MCU: variants seen among roughly 807,000 people sequenced by gnomAD.
MCU encodes calcium uniporter protein, mitochondrial.
MCU carries 12 observed loss-of-function variants against 45.2 expected under a neutral mutation model. That is an observed-to-expected ratio of 0.27 (90% CI 0.17 to 0.43). The LOEUF is 0.43. Among genes scored for constraint, MCU ranks in the 20% least tolerant of loss-of-function variants. MCU has a pLI of 1.00. For synonymous variants in MCU, 160 were observed against 165.1 expected (o/e 0.97, Z 0.24); for missense variants, 324 against 436.7 (o/e 0.74, Z 2.30).
At chr10:72,727,441 C>T (rs564967239) in intron 1 of MCU, among the ~76,000 whole-genome samples, 1 of 152,324 alleles carries the variant, frequency 6.6e-6, no homozygotes, top group Non-Finnish European at 1.5e-5. Context: ...TACATTCATT[C>T]CCAGTGCCAG....
In MCU at chr10:72,817,620, A is replaced by G. The variant is rs531131006; in HGVS notation, c.151-16739A>G. Among the ~76,000 whole-genome samples, 369 of 152,146 alleles carry G rather than the reference A, an allele frequency of 2.4e-3. 1 individual carries two copies. Among genetic ancestry groups the G allele is most frequent in the African/African-American group, 8.3e-3 (345 of 41,504 alleles). ...AGTTCAGTTCAACAGTTTTTGTTTT[A>G]TTGTTGTTGTTGTTTTTAAGAGATG... On this transcript the variant is annotated intron_variant, in intron 1 of 7. Coordinates refer to ENST00000373053, the MANE Select transcript of MCU (RefSeq NM_138357.3).
At chr10:72,697,254 A>G (rs977402003) in intron 1 of MCU, among the ~76,000 whole-genome samples, 1 of 138,214 alleles carries the variant, frequency 7.2e-6, no homozygotes, top group African/African-American at 2.7e-5. Context: ...GTAGCTGGGC[A>G]TATAGGCGTG....
chr10:72,790,312 A>G (rs1425568176), intron 1 of MCU, among the ~76,000 whole-genome samples: 1 of 152,228 alleles, frequency 6.6e-6, no homozygotes, highest in East Asian at 1.9e-4. Flanking sequence ...CTATAGAAAG[A>G]GAAGAGAAAT....
chr10:72,693,464 A>C, intron 1 of MCU, among the ~76,000 whole-genome samples: 1 of 152,182 alleles, frequency 6.6e-6, no homozygotes, highest in East Asian at 1.9e-4. Context: ...CTCAATAAAC[A>C]CATCGCCTGC....
At chr10:72,817,650 C>T (rs1844647462) in intron 1 of MCU, among the ~76,000 whole-genome samples, 3 of 152,172 alleles carry the variant, frequency 2.0e-5, no homozygotes, top group Non-Finnish European at 4.4e-5. Flanking sequence ...GAGATGGAGT[C>T]TGTTGCCCAG....
At chr10:72,732,849 A>G (rs1357729112) in intron 1 of MCU, among the ~76,000 whole-genome samples, 3 of 152,238 alleles carry the variant, frequency 2.0e-5, no homozygotes, top group Non-Finnish European at 4.4e-5. Flanking sequence ...AATGAAAGCT[A>G]TTGAATATAT....
intron 1 of MCU, among the ~76,000 whole-genome samples, chr10:72,729,123 G>A (rs1398315475): frequency 1.3e-5 from 2 of 152,142 alleles, no homozygotes; most frequent in African/African-American, 2.4e-5. Flanking sequence ...CCAAATGTAC[G>A]CTGATCTTTC....
chr10:72,839,885 AC>A (rs1156292804), intron 2 of MCU, among the ~76,000 whole-genome samples: 1 of 149,196 alleles, frequency 6.7e-6, no homozygotes, highest in Non-Finnish European at 1.5e-5. Flanking sequence ...AATGGCGTGA[AC>A]CCAGGAGGCG....
intron 1 of MCU, among the ~76,000 whole-genome samples, chr10:72,745,176 G>C (rs775277184): frequency 3.3e-5 from 5 of 152,004 alleles, no homozygotes; most frequent in Non-Finnish European, 7.4e-5. Context: ...TATTTCTAAA[G>C]GTTCAGATTT....
intron 1 of MCU, among the ~76,000 whole-genome samples, chr10:72,802,386 A>G (rs1844356210): frequency 1.3e-5 from 2 of 151,750 alleles, no homozygotes; most frequent in East Asian, 1.9e-4. Context: ...TGAAATATAA[A>G]TGAGCGCTGT....
chr10:72,821,161 G>A (rs1298600247), intron 1 of MCU, among the ~76,000 whole-genome samples: 2 of 150,806 alleles, frequency 1.3e-5, no homozygotes, highest in Non-Finnish European at 2.9e-5. Flanking sequence ...TTCCTATATT[G>A]TAGGAAACAA....
intron 1 of MCU, among the ~76,000 whole-genome samples, chr10:72,814,481 GT>G (rs1844595503): frequency 6.6e-6 from 1 of 152,054 alleles, no homozygotes; most frequent in African/African-American, 2.4e-5. Flanking sequence ...AATGTAATGT[GT>G]GAGGAAGAGA....
chr10:72,696,230 A>G (rs920860506), intron 1 of MCU, among the ~76,000 whole-genome samples: 5 of 129,244 alleles, frequency 3.9e-5, no homozygotes, highest in Non-Finnish European at 6.3e-5. Flanking sequence ...TATTTCTACC[A>G]GGCTGGTCTT....
At chr10:72,729,157 G>A (rs1422237485) in intron 1 of MCU, among the ~76,000 whole-genome samples, 1 of 152,120 alleles carries the variant, frequency 6.6e-6, no homozygotes, top group African/African-American at 2.4e-5. Flanking sequence ...GCATTATATA[G>A]TAAAGTGATA....
intron 1 of MCU, among the ~76,000 whole-genome samples, chr10:72,730,133 G>C (rs1200980464): frequency 6.6e-6 from 1 of 150,590 alleles, no homozygotes; most frequent in East Asian, 2.0e-4. Context: ...CTAATTTTTT[G>C]TATTTTGAGT....
chr10:72,699,916 C>T (rs1003265314), intron 1 of MCU, among the ~76,000 whole-genome samples: 1 of 151,092 alleles, frequency 6.6e-6, no homozygotes, highest in Non-Finnish European at 1.5e-5. Flanking sequence ...CTTAGTAGCT[C>T]AGCATCTTAA....
intron 1 of MCU, among the ~76,000 whole-genome samples, chr10:72,763,493 TG>T (rs1490919524): frequency 6.6e-6 from 1 of 152,068 alleles, no homozygotes; most frequent in African/African-American, 2.4e-5. Flanking sequence ...TGAAAAAGAA[TG>T]GGTTTTAACA....
intron 1 of MCU, chr10:72,692,595 G>A: frequency 1.8e-6 from 2 of 1,096,212 alleles, no homozygotes; most frequent in Non-Finnish European, 2.2e-6. Context: ...TCCCCGACTC[G>A]CCCCCAATCG....
At chr10:72,752,623 A>T (rs2132712048) in intron 1 of MCU, among the ~76,000 whole-genome samples, 1 of 152,334 alleles carries the variant, frequency 6.6e-6, no homozygotes, top group South Asian at 2.1e-4. Flanking sequence ...TATGAAGGAC[A>T]ATATGGGATC....
Sources: allele counts gnomAD v4.1 joint callset (sites outside exome capture counted in the v4.1 genomes callset), GRCh38; gene constraint gnomAD v4.1.1; transcripts MANE v1.5; gene names NCBI Gene and HGNC (gene_info 2026-07-23, HGNC 2026-07-21).